Variants in FBH1 observed in about 807,000 individuals in gnomAD.
FBH1 encodes the protein DNA 3'-5' helicase 1.
FBH1 carries 43 observed loss-of-function variants against 115.5 expected under a neutral mutation model. That is an observed-to-expected ratio of 0.37 (90% confidence interval 0.29 to 0.48). The LOEUF is 0.48. Among genes scored for constraint, FBH1 ranks in the 20% least tolerant of loss-of-function variants. FBH1 has a pLI of 0.99. For missense variants in FBH1, 1,001 were observed against 1,337.3 expected, an observed-to-expected ratio of 0.75 and a Z score of 3.92; for synonymous variants, 524 against 507.8, an observed-to-expected ratio of 1.03 and a Z score of -0.43.
At chr10:5,899,300 T>A (rs923612317) in intron 1 of FBH1, among the ~76,000 whole-genome samples, 1 of 152,124 alleles carries the variant, frequency 6.6e-6, no homozygotes, top group Non-Finnish European at 1.5e-5. Context: ...CCTTTGTGAT[T>A]TTTTGTTTTG....
Position 5,911,167 on chromosome 10 carries a change from T to C in FBH1, c.1211+39T>C. ...AGGAGGGGAGGGGATGCTGTGATAA[T>C]GGGAGAGTCCCAGACACAGCAGCAG... On this transcript the variant is annotated intron_variant, in intron 6 of 20. Transcript: ENST00000362091. The surrounding 1 kb of genome is among the most constrained non-coding windows in gnomAD (Gnocchi z 5.4). The C allele has an allele frequency of 6.3e-7, 1 of 1,576,492 alleles. No individual in the cohort carries two copies. Among genetic ancestry groups the C allele is most frequent in the Non-Finnish European group, 8.6e-7 (1 of 1,157,714 alleles).
intron 1 of FBH1, among the ~76,000 whole-genome samples, chr10:5,898,869 C>G (rs1365740130): frequency 3.3e-5 from 5 of 152,190 alleles, no homozygotes; most frequent in Non-Finnish European, 5.9e-5. Context: ...AGCTGCTTAC[C>G]TTGGGGCATG....
In FBH1 at chr10:5,918,629, C is replaced by T. The variant is rs1416859494; in HGVS notation, c.2100+151C>T. On this transcript the variant is annotated intron_variant, in intron 13 of 20. Transcript: ENST00000362091. This position sits in a 1 kb window ranked among gnomAD's most constrained non-coding sequence, Gnocchi z 4.0. ...TCAAAGTGTGGTTCTCAGGGGTCTG[C>T]CAAGTCACACTGTTTTCATAAGAGG... 4.9e-6 allele frequency: 5 copies of T among 1,010,380 alleles called. No homozygotes were observed. The highest frequency in any genetic ancestry group is 6.8e-6 in the Non-Finnish European group (5 of 735,726). The allele number at this position is 1,010,380 out of a possible 1,614,324, so 62.6% of individuals were successfully genotyped here.
chr10:5,923,992 C>T lies in FBH1; in HGVS notation c.2398+296C>T, dbSNP rs1832467648. ...GCCAATTTATACGTTGATACTTCCA[C>T]GTGGGCCCCAAGTGATAGCGTCGAG... On this transcript the variant is annotated intron_variant, in intron 16 of 20. Coordinates refer to ENST00000362091, the MANE Select transcript of FBH1 (RefSeq NM_178150.3). This position sits in a 1 kb window ranked among gnomAD's most constrained non-coding sequence, Gnocchi z 5.7. 1.1e-5 allele frequency: 6 copies of T among 557,928 alleles called. No individual in the cohort carries two copies. Among genetic ancestry groups the T allele is most frequent in the South Asian group, 9.1e-5 (4 of 44,132 alleles). 34.6% of individuals were successfully genotyped at this position (557,928 alleles called of 1,614,324 possible). A position where few individuals can be genotyped will look rare whatever the true frequency, so the allele number is the denominator to read the frequency against.
rs1832993142 is a variant in FBH1 at position 5,931,938 on chromosome 10, G to A, written c.2829+4397G>A. Among the ~76,000 whole-genome samples the A allele has an allele frequency of 6.6e-6, 1 of 152,214 alleles. No individual in the cohort carries two copies. The highest frequency in any genetic ancestry group is 6.5e-5 in the Admixed American group (1 of 15,282). On this transcript the variant is annotated intron_variant, in intron 19 of 20. Transcript: ENST00000362091. The surrounding 1 kb of genome is among the most constrained non-coding windows in gnomAD (Gnocchi z 4.3). ...GCAGACAGGTCACTTTAAGTCAGGAGTTAGAGATCAGCCTGGCCAACATGG... is the reference window on the plus strand; with the variant it reads ...GCAGACAGGTCACTTTAAGTCAGGAATTAGAGATCAGCCTGGCCAACATGG...
rs114206180 is a variant in FBH1 at position 5,900,455 on chromosome 10, G to C, written c.2-2565G>C. Among the ~76,000 whole-genome samples the C allele has an allele frequency of 6.6e-6, 1 of 152,150 alleles. No homozygotes were observed. Among genetic ancestry groups the C allele is most frequent in the Non-Finnish European group, 1.5e-5 (1 of 68,026 alleles). The stretch of plus-strand genomic sequence containing the variant: ...CCAGCCCTCCCGCCAGGCCCTCGCC[G>C]GCTCACCACGCTGCGCTGTGCTGCT... On this transcript the variant is annotated intron_variant, in intron 1 of 20. Transcript: ENST00000362091. This position sits in a 1 kb window ranked among gnomAD's most constrained non-coding sequence, Gnocchi z 4.2.
chr10:5,923,646 G>C lies in FBH1; in HGVS notation c.2348G>C (p.Arg783Thr). The change falls in exon 16 of 21, where the codon AGA becomes ACA. Residue 783 changes from arginine to threonine, a missense_variant. Physicochemically the swap from Arg to Thr is moderately conservative, Grantham distance 71. Transcript: ENST00000362091. The surrounding 1 kb of genome is among the most constrained non-coding windows in gnomAD (Gnocchi z 5.7). Reference sequence around the variant, plus strand: ...GGGATTAAATCATTTGGATTGGACAGAATCATTGATATTTGGATCCTTCTT... The same window carrying C: ...GGGATTAAATCATTTGGATTGGACACAATCATTGATATTTGGATCCTTCTT... ...IGGIKSFGLD[R>T]IIDIWILLQP... The C allele has an allele frequency of 6.2e-7, 1 of 1,614,166 alleles. No individual in the cohort carries two copies. Among genetic ancestry groups the C allele is most frequent in the Non-Finnish European group, 8.5e-7 (1 of 1,180,012 alleles).
chr10:5,922,451 G>C (rs1832370494), intron 15 of FBH1, among the ~76,000 whole-genome samples: 1 of 152,054 alleles, frequency 6.6e-6, no homozygotes, highest in South Asian at 2.1e-4. Flanking sequence ...TATAATATTT[G>C]GTCTGGTAGA....
chr10:5,926,392 G>A (rs1832655569), intron 18 of FBH1, among the ~76,000 whole-genome samples: 1 of 152,234 alleles, frequency 6.6e-6, no homozygotes, highest in Non-Finnish European at 1.5e-5. Flanking sequence ...GGGATAATAG[G>A]TGTTAGCCAC....
At chr10:5,894,410 G>GA (rs1842896196) in intron 1 of FBH1, 7 of 1,611,464 alleles carry the variant, frequency 4.3e-6, no homozygotes, top group Non-Finnish European at 5.9e-6. Flanking sequence ...TCTAGATACA[G>GA]AGTGAAGAAT....
intron 1 of FBH1, among the ~76,000 whole-genome samples, chr10:5,901,351 T>G (rs1207600435): frequency 6.6e-6 from 1 of 151,984 alleles, no homozygotes; most frequent in Non-Finnish European, 1.5e-5. Context: ...AGAGACGGGG[T>G]TTCACTATGT....
At chr10:5,920,846 G>T (rs1832268611) in intron 13 of FBH1, among the ~76,000 whole-genome samples, 1 of 152,200 alleles carries the variant, frequency 6.6e-6, no homozygotes. Flanking sequence ...AACCGCGTGG[G>T]CTGAGGCAGG....
chr10:5,912,306 G>A (rs1249505825), intron 6 of FBH1, among the ~76,000 whole-genome samples: 1 of 151,752 alleles, frequency 6.6e-6, no homozygotes, highest in Admixed American at 6.6e-5. Context: ...AGAGGCTGCA[G>A]TGAGCCGAGA....
At chr10:5,922,999 C>T (rs949798827) in intron 15 of FBH1, among the ~76,000 whole-genome samples, 2 of 152,150 alleles carry the variant, frequency 1.3e-5, no homozygotes, top group African/African-American at 2.4e-5. Context: ...TCTCGTGCCT[C>T]GGCCTCCTGA....
At position 5,907,472 on chromosome 10, in the gene FBH1, GTTTTTTTTTTT is replaced by G. The variant is rs34817242; in HGVS notation, c.753+849_753+859del. Among the ~76,000 whole-genome samples, 5 of 111,232 alleles carry G rather than the reference GTTTTTTTTTTT, an allele frequency of 4.5e-5. No homozygotes were observed. In the East Asian group the frequency reaches 1.2e-3, roughly 27 times the overall value. 73.0% of individuals were successfully genotyped at this position (111,232 alleles called of 152,430 possible). On this transcript the variant is annotated intron_variant, in intron 3 of 20. Transcript: ENST00000362091. ...AAGAATGTGTTTTTTGTTGTTGTTG[GTTTTTTTTTTT>G]TTTTTTTTGAGACAGAGTCTTGCTC...
In FBH1 at chr10:5,921,378, T is replaced by A; in HGVS notation, c.2200+21T>A. On this transcript the variant is annotated intron_variant, in intron 14 of 20. Transcript: ENST00000362091. The surrounding 1 kb of genome is among the most constrained non-coding windows in gnomAD (Gnocchi z 6.4). Reference sequence around the variant, plus strand: ...TCAGAGTAAGGCTTTTAGTTACTCTTCTCTTTTGTGTTACAAAAGTTTTCC... The same window carrying A: ...TCAGAGTAAGGCTTTTAGTTACTCTACTCTTTTGTGTTACAAAAGTTTTCC... 1 of 1,612,100 alleles carries A rather than the reference T, an allele frequency of 6.2e-7. No individual in the cohort carries two copies. The highest frequency in any genetic ancestry group is 2.2e-5 in the East Asian group (1 of 44,872).
rs964003987 is a variant in FBH1 at position 5,917,830 on chromosome 10, C to G, written c.1963+154C>G. ...ACCTTAGGATTTCAAGCTGCCCCTT[C>G]CCCTCACCCAAGCAGATTTCTCTGT... On this transcript the variant is annotated intron_variant, in intron 12 of 20. Coordinates refer to ENST00000362091, the MANE Select transcript of FBH1 (RefSeq NM_178150.3). The surrounding 1 kb of genome is among the most constrained non-coding windows in gnomAD (Gnocchi z 5.6). Among the ~76,000 whole-genome samples, 12 of 152,322 alleles carry G rather than the reference C, an allele frequency of 7.9e-5. No homozygotes were observed. The highest frequency in any genetic ancestry group is 2.9e-4 in the African/African-American group (12 of 41,570).
In FBH1 at chr10:5,909,684, G is replaced by C. The variant is rs138318374; in HGVS notation, c.1020+390G>C. On this transcript the variant is annotated intron_variant, in intron 5 of 20. Transcript: ENST00000362091. This position sits in a 1 kb window ranked among gnomAD's most constrained non-coding sequence, Gnocchi z 4.4. ...CAGAAAAATTAGGGGTCTTGCTATA[G>C]TCACACAATGAGGTAATGAGAAGCT... 1.3e-5 allele frequency among the ~76,000 whole-genome samples: 2 copies of C among 152,286 alleles called. No homozygotes were observed. Among genetic ancestry groups the C allele is most frequent in the East Asian group, 3.9e-4 (2 of 5,182 alleles).
intron 1 of FBH1, among the ~76,000 whole-genome samples, chr10:5,901,885 T>C (rs1843368235): frequency 6.6e-6 from 1 of 152,214 alleles, no homozygotes; most frequent in Admixed American, 6.5e-5. Flanking sequence ...TTTTAAGAAG[T>C]GTATCTTTAC....
Sources: allele counts gnomAD v4.1 joint callset (sites outside exome capture counted in the v4.1 genomes callset), GRCh38; gene constraint gnomAD v4.1.1; non-coding constraint Gnocchi (gnomAD v3.1); transcripts MANE v1.5; gene names NCBI Gene and HGNC (gene_info 2026-07-23, HGNC 2026-07-21).